CCM2: variants seen among roughly 807,000 people sequenced by gnomAD.
CCM2 encodes cerebral cavernous malformations 2 protein.
In CCM2, 25 loss-of-function variants were observed where a neutral mutation model predicts 44.9. The ratio of observed to expected loss-of-function variants is 0.56; its 90% CI spans 0.41 to 0.78. The LOEUF (loss-of-function observed/expected upper bound fraction) is 0.78. CCM2 is among the 30% of genes least tolerant of loss of function. CCM2 has a pLI of 0.00. For synonymous variants in CCM2, 219 were observed against 241.1 expected (o/e 0.91, Z 0.85); for missense variants, 481 against 580.6 (o/e 0.83, Z 1.76).
intron 1 of CCM2, among the ~76,000 whole-genome samples, chr7:45,006,926 C>T (rs1259617617): frequency 6.6e-6 from 1 of 152,140 alleles, no homozygotes; most frequent in Non-Finnish European, 1.5e-5. Flanking sequence ...TCCTGGCAGC[C>T]CAAGAAGGCT....
chr7:45,071,312 A>G (rs1799060019), intron 6 of CCM2: 1 of 152,138 alleles, frequency 6.6e-6, no homozygotes. Context: ...TTTTTTACTG[A>G]GAAGTACACA....
chr7:45,038,210 T>C (rs1797317117), intron 1 of CCM2, 43 bp from the exon 2 acceptor site: 7 of 1,610,956 alleles, frequency 4.3e-6, no homozygotes, highest in Non-Finnish European at 5.9e-6. Flanking sequence ...ACACAAAGCA[T>C]TTGTAAATAA....
At chr7:45,033,484 T>C (rs1411014214) in intron 1 of CCM2, among the ~76,000 whole-genome samples, 1 of 152,172 alleles carries the variant, frequency 6.6e-6, no homozygotes, top group East Asian at 1.9e-4. Flanking sequence ...ACAGGCAGCT[T>C]TCAGAAGAGC....
At position 45,069,283 on chromosome 7, in the gene CCM2, A is replaced by G. The variant is rs573074563; in HGVS notation, c.610-543A>G. Among the ~76,000 whole-genome samples the G allele has an allele frequency of 9.3e-4, 142 of 152,336 alleles. 3 individuals are homozygous for G. Among genetic ancestry groups the G allele is most frequent in the Non-Finnish European group, 5.9e-5 (4 of 68,038 alleles). On this transcript the variant is annotated intron_variant, in intron 5 of 9. Coordinates refer to ENST00000258781, the MANE Select transcript of CCM2 (RefSeq NM_031443.4). ...TGTGGGAGGCTGCCCTGTGCACTGT[A>G]GGGTGTTGAGCAGCATCCCAGCTTC...
At chr7:45,073,620 C>T in intron 8 of CCM2, 49 bp downstream of exon 8, 1 of 1,393,402 alleles carries the variant, frequency 7.2e-7, no homozygotes, top group Non-Finnish European at 1.0e-6. Flanking sequence ...AGGGGGTGCC[C>T]CAGGGAGGAT....
At chr7:45,054,817 AGGG>A (rs1246531314) in intron 2 of CCM2, among the ~76,000 whole-genome samples, 1 of 152,200 alleles carries the variant, frequency 6.6e-6, no homozygotes, top group African/African-American at 2.4e-5. Flanking sequence ...GCATTGCCAT[AGGG>A]GCACTGGGTG....
chr7:45,076,174 T>C lies in CCM2; in HGVS notation c.*117T>C, dbSNP rs7804. ...GTGGTGGCCAGGGAGAGGCGCCCGG[T>C]GCAGATGGCCCCGGGCGGCCCAGGT... On this transcript the variant is annotated 3_prime_UTR_variant, in exon 10 of 10. Transcript: ENST00000258781. 0.36 allele frequency: 520,038 copies of C among 1,457,238 alleles called. 95,120 individuals carry two copies. The highest frequency in any genetic ancestry group is 0.38 in the Admixed American group (20,039 of 52,124). The allele number at this position is 1,457,238 out of a possible 1,614,324, so 90.3% of individuals were successfully genotyped here.
intron 1 of CCM2, among the ~76,000 whole-genome samples, chr7:45,030,134 C>T (rs1166098776): frequency 6.6e-6 from 1 of 152,170 alleles, no homozygotes; most frequent in Non-Finnish European, 1.5e-5. Context: ...CTGGGATAGA[C>T]TCCACACCTC....
intron 2 of CCM2, among the ~76,000 whole-genome samples, chr7:45,048,455 T>C (rs974491250): frequency 9.2e-5 from 14 of 152,352 alleles, no homozygotes; most frequent in Admixed American, 5.9e-4. Context: ...GCAACACTAT[T>C]TAACATTTTA....
rs1303947869 is a variant in CCM2 at position 45,020,638 on chromosome 7, A to C, written c.31-17615A>C. ...TTTGTAATTTTAGTAGATGTTAACA[A>C]ATTGTTTTGTATGGTAGAACCAAGG... On this transcript the variant is annotated intron_variant, in intron 1 of 9. Transcript: ENST00000258781. Among the ~76,000 whole-genome samples the C allele has an allele frequency of 3.9e-5, 6 of 152,194 alleles. No homozygotes were observed. In the East Asian group the frequency reaches 9.6e-4, roughly 24 times the overall value.
intron 1 of CCM2, among the ~76,000 whole-genome samples, chr7:45,015,249 C>T (rs1796220006): frequency 2.6e-5 from 4 of 152,070 alleles, no homozygotes; most frequent in Non-Finnish European, 4.4e-5. Flanking sequence ...TACCCCTTTC[C>T]ACATTTATAC....
At chr7:45,015,190 A>G (rs1384921115) in intron 1 of CCM2, among the ~76,000 whole-genome samples, 1 of 152,218 alleles carries the variant, frequency 6.6e-6, no homozygotes, top group East Asian at 1.9e-4. Flanking sequence ...ATTAGAGTTC[A>G]CACTGATACC....
chr7:45,042,281 C>T (rs896662299), intron 2 of CCM2, among the ~76,000 whole-genome samples: 16 of 49,642 alleles, frequency 3.2e-4, no homozygotes, highest in Admixed American at 6.9e-4. Context: ...AAAAAGGTGC[C>T]GTTCCCTTCC....
At chr7:45,060,438 TTTACCG>T (rs1460976701) in intron 2 of CCM2, among the ~76,000 whole-genome samples, 1 of 152,242 alleles carries the variant, frequency 6.6e-6, no homozygotes, top group Non-Finnish European at 1.5e-5. Flanking sequence ...TTACCTGCTT[TTTACCG>T]TTTCATGTTC....
intron 1 of CCM2, among the ~76,000 whole-genome samples, chr7:45,021,521 G>A (rs1050637454): frequency 1.3e-5 from 2 of 151,132 alleles, no homozygotes; most frequent in Admixed American, 6.6e-5. Flanking sequence ...CTGAGATCGC[G>A]CCACTGCACT....
At chr7:45,017,625 C>CT (rs1184933193) in intron 1 of CCM2, among the ~76,000 whole-genome samples, 1 of 152,094 alleles carries the variant, frequency 6.6e-6, no homozygotes, top group Non-Finnish European at 1.5e-5. Context: ...AATTTGGTGT[C>CT]TTTTTTTCCC....
At chr7:45,073,983 T>A in intron 8 of CCM2, 2 of 575,296 alleles carry the variant, frequency 3.5e-6, no homozygotes, top group South Asian at 4.0e-5. Context: ...CCGGGCCAGG[T>A]TGCCAACTTC....
intron 1 of CCM2, among the ~76,000 whole-genome samples, chr7:45,007,459 G>T (rs989504294): frequency 6.6e-6 from 1 of 152,158 alleles, no homozygotes; most frequent in South Asian, 2.1e-4. Context: ...ATTTGGATTT[G>T]TCAATGGAAC....
intron 2 of CCM2, among the ~76,000 whole-genome samples, chr7:45,044,114 A>C (rs1240240692): frequency 6.6e-6 from 1 of 151,956 alleles, no homozygotes; most frequent in African/African-American, 2.4e-5. Flanking sequence ...CCTCCAGAAT[A>C]TCAGCTATAG....
Sources: gnomAD v4.1 joint callset for allele counts (sites outside exome capture counted in the v4.1 genomes callset) on GRCh38, gnomAD v4.1.1 for gene constraint, MANE v1.5 for transcripts, NCBI Gene and HGNC (gene_info 2026-07-23, HGNC 2026-07-21) for gene names.